The following SLC35F4 variants were observed in gnomAD, a reference collection of about 807,000 sequenced individuals.
The protein encoded by SLC35F4 is chromosome 14 open reading frame 36.
SLC35F4 carries 24 observed loss-of-function variants against 44.2 expected under a neutral mutation model. The observed-to-expected ratio is 0.54, with a 90% CI of 0.39 to 0.76. SLC35F4 has a LOEUF of 0.76. SLC35F4 is among the 30% of genes least tolerant of loss of function. The pLI is 0.00. For synonymous variants in SLC35F4, 238 were observed against 223.6 expected (o/e 1.06, Z -0.57); for missense variants, 562 against 586.1 (o/e 0.96, Z 0.42).
chr14:57,839,209 T>A (rs557150524), intron 1 of SLC35F4, among the ~76,000 whole-genome samples: 6 of 152,282 alleles, frequency 3.9e-5, no homozygotes, highest in Admixed American at 6.5e-5. Context: ...TTCACCAATA[T>A]TTCTCTGTTC....
At chr14:57,615,861 T>A (rs538665123) in intron 1 of SLC35F4, among the ~76,000 whole-genome samples, 2 of 152,220 alleles carry the variant, frequency 1.3e-5, no homozygotes, top group South Asian at 4.1e-4. Context: ...ATCTGGAGCT[T>A]TGCCTGAAAA....
Position 57,686,102 on chromosome 14 carries a change from C to T in SLC35F4, c.104-91978G>A, listed in dbSNP as rs143599532. On this transcript the variant is annotated intron_variant, in intron 1 of 7. Transcript: ENST00000556826. Reference sequence around the variant, plus strand: ...TTGAGATGGGCGAGATTACCAGAAACCTGAGTTCCAAATACATAATGTTTA... The same window carrying T: ...TTGAGATGGGCGAGATTACCAGAAATCTGAGTTCCAAATACATAATGTTTA... 8.3e-3 allele frequency among the ~76,000 whole-genome samples: 1,266 copies of T among 152,216 alleles called. 15 individuals carry two copies. The highest frequency in any genetic ancestry group is 0.028 in the African/African-American group (1,175 of 41,546).
intron 1 of SLC35F4, among the ~76,000 whole-genome samples, chr14:57,878,872 G>C (rs920953622): frequency 6.6e-6 from 1 of 152,098 alleles, no homozygotes; most frequent in Admixed American, 6.6e-5. Flanking sequence ...GGAGCCAAAT[G>C]TTCTATGTCA....
chr14:57,914,663 C>A lies in SLC35F4; in HGVS notation n.282+67250G>T, dbSNP rs79839079. Among the ~76,000 whole-genome samples, 782 of 152,246 alleles carry A rather than the reference C, an allele frequency of 5.1e-3. 8 individuals carry two copies. Among genetic ancestry groups the A allele is most frequent in the African/African-American group, 0.018 (751 of 41,530 alleles). The stretch of plus-strand genomic sequence containing the variant: ...AAGGAATCTCTTTTTAAAGATCCTG[C>A]CCCTCAGCACTATTACAATGGCAAT... On this transcript the variant is annotated intron_variant and non_coding_transcript_variant, in intron 1 of 1. Transcript: ENST00000556568.
intron 2 of SLC35F4, among the ~76,000 whole-genome samples, 181 bp from the exon 3 acceptor site, chr14:57,589,694 CTG>C (rs1436086368): frequency 6.6e-6 from 1 of 152,260 alleles, no homozygotes; most frequent in Non-Finnish European, 1.5e-5. Flanking sequence ...TCTCTGGACT[CTG>C]TGCTCTGCAC....
intron 1 of SLC35F4, among the ~76,000 whole-genome samples, chr14:57,653,388 C>G (rs2073856114): frequency 6.6e-6 from 1 of 152,140 alleles, no homozygotes; most frequent in Non-Finnish European, 1.5e-5. Flanking sequence ...GATATTTCCA[C>G]TGCTAAAGAA....
At chr14:57,670,444 T>G (rs2074475515) in intron 1 of SLC35F4, among the ~76,000 whole-genome samples, 1 of 152,136 alleles carries the variant, frequency 6.6e-6, no homozygotes, top group Non-Finnish European at 1.5e-5. Flanking sequence ...TTTTAGATCT[T>G]TCCTGCTTTC....
chr14:57,880,874 T>C lies in SLC35F4; in HGVS notation n.282+101039A>G, dbSNP rs1016691786. 2.0e-5 allele frequency among the ~76,000 whole-genome samples: 3 copies of C among 152,244 alleles called. No individual in the cohort carries two copies. The South Asian group carries it at 6.2e-4, about 32-fold the overall frequency. On this transcript the variant is annotated intron_variant and non_coding_transcript_variant, in intron 1 of 1. Coordinates refer to the SLC35F4 transcript ENST00000556568. ...TCACGTTAAACAAACTCACAATACA[T>C]TGATGAATAAATTGGATTTCTAAAG...
intron 1 of SLC35F4, among the ~76,000 whole-genome samples, chr14:57,660,787 C>A (rs574573813): frequency 2.0e-5 from 3 of 152,070 alleles, no homozygotes; most frequent in Non-Finnish European, 2.9e-5. Flanking sequence ...GGTCTGAAAG[C>A]AGATCCTCCA....
chr14:57,698,079 C>A (rs1396724824), intron 1 of SLC35F4, among the ~76,000 whole-genome samples: 2 of 152,148 alleles, frequency 1.3e-5, no homozygotes, highest in Non-Finnish European at 2.9e-5. Context: ...CAGCACCTAT[C>A]TCATAGAGAT....
intron 1 of SLC35F4, among the ~76,000 whole-genome samples, chr14:57,628,697 A>G (rs1286145950): frequency 6.6e-6 from 1 of 152,140 alleles, no homozygotes; most frequent in African/African-American, 2.4e-5. Context: ...CAGCTAAATA[A>G]ATTGCTGAAA....
At chr14:57,946,978 A>T (rs1890044820) in intron 1 of SLC35F4, among the ~76,000 whole-genome samples, 1 of 152,016 alleles carries the variant, frequency 6.6e-6, no homozygotes. Flanking sequence ...TTTTGGTTCC[A>T]TGTGAATTTT....
rs117628927 is a variant in SLC35F4 at position 57,636,532 on chromosome 14, C to A, written c.104-42408G>T. Among the ~76,000 whole-genome samples, 688 of 152,102 alleles carry A rather than the reference C, an allele frequency of 4.5e-3. 2 individuals are homozygous for A. The highest frequency in any genetic ancestry group is 7.7e-3 in the Non-Finnish European group (524 of 67,988). Reference sequence around the variant, plus strand: ...GGTGAGAAAAGCAAAGCTGAAAAAGCTTGATAAAAGCAATATGTCATATGA... The same window carrying A: ...GGTGAGAAAAGCAAAGCTGAAAAAGATTGATAAAAGCAATATGTCATATGA... On this transcript the variant is annotated intron_variant, in intron 1 of 7. Transcript: ENST00000556826.
chr14:57,906,874 C>T (rs1889112224), intron 1 of SLC35F4, among the ~76,000 whole-genome samples: 1 of 152,126 alleles, frequency 6.6e-6, no homozygotes, highest in African/African-American at 2.4e-5. Context: ...TATGTGTTTC[C>T]ACAGATTTGA....
chr14:57,771,686 T>C (rs10083531), intron 1 of SLC35F4, among the ~76,000 whole-genome samples: 4,434 of 152,320 alleles, frequency 0.029, 216 homozygotes, highest in African/African-American at 0.1. Context: ...CTCTGCCTTC[T>C]GGGCTTGAGT....
At chr14:57,958,738 G>A (rs1329598612) in intron 1 of SLC35F4, among the ~76,000 whole-genome samples, 1 of 152,160 alleles carries the variant, frequency 6.6e-6, no homozygotes, top group African/African-American at 2.4e-5. Flanking sequence ...GCAATACCAA[G>A]CGCTGAGTAG....
At chr14:57,795,208 C>T (rs2078025797) in intron 1 of SLC35F4, among the ~76,000 whole-genome samples, 1 of 152,086 alleles carries the variant, frequency 6.6e-6, no homozygotes, top group African/African-American at 2.4e-5. Flanking sequence ...TTTGTATATA[C>T]AGACAAAGCA....
intron 1 of SLC35F4, among the ~76,000 whole-genome samples, chr14:57,864,865 C>A (rs1485070048): frequency 6.6e-6 from 1 of 152,224 alleles, no homozygotes; most frequent in Non-Finnish European, 1.5e-5. Context: ...TAGAACTAAT[C>A]CCAGCAAATA....
At chr14:57,777,765 A>T (rs777863024) in intron 1 of SLC35F4, among the ~76,000 whole-genome samples, 19 of 152,148 alleles carry the variant, frequency 1.2e-4, no homozygotes, top group Non-Finnish European at 2.8e-4. Flanking sequence ...TGTACCCTGG[A>T]ACTTAAAGCA....
Sources: gnomAD v4.1 joint callset for allele counts (sites outside exome capture counted in the v4.1 genomes callset) on GRCh38, gnomAD v4.1.1 for gene constraint, MANE v1.5 for transcripts, NCBI Gene and HGNC (gene_info 2026-07-23, HGNC 2026-07-21) for gene names.